The following ABLIM3 variants were observed in gnomAD, a reference collection of about 807,000 sequenced individuals.
ABLIM3 encodes the protein actin binding LIM protein family member 3.
Under a neutral mutation model 109.5 loss-of-function variants are expected in ABLIM3, and 61 were observed. The observed-to-expected ratio is 0.56, with a 90% CI of 0.45 to 0.69. The LOEUF is 0.69. ABLIM3 is among the 30% of genes least tolerant of loss of function. ABLIM3 has a pLI of 0.00. For synonymous variants in ABLIM3, 300 were observed against 324.8 expected (o/e 0.92, Z 0.82); for missense variants, 796 against 889.5 (o/e 0.89, Z 1.34).
intron 8 of ABLIM3, among the ~76,000 whole-genome samples, chr5:149,226,477 C>T (rs139116247): frequency 1.8e-4 from 27 of 152,020 alleles, no homozygotes; most frequent in African/African-American, 6.3e-4. Context: ...AGCGAGACTC[C>T]GTCTCAAAAC....
chr5:149,218,119 T>G (rs1490743993), intron 8 of ABLIM3: 1 of 152,278 alleles, frequency 6.6e-6, no homozygotes, highest in Non-Finnish European at 1.5e-5. Context: ...TTGTAGTTCA[T>G]CTGGGCTGTT....
Position 149,244,871 on chromosome 5 carries a change from T to A in ABLIM3, c.1352-10T>A. 6.2e-7 allele frequency: 1 copy of A among 1,614,112 alleles called. No individual in the cohort carries two copies. The highest frequency in any genetic ancestry group is 8.5e-7 in the Non-Finnish European group (1 of 1,180,006). On this transcript the variant is annotated splice_polypyrimidine_tract_variant and intron_variant, in intron 15 of 23. Coordinates refer to ENST00000309868, the MANE Select transcript of ABLIM3 (RefSeq NM_014945.5). ...GCCTTCCTGAAGTGCTCTCCTTGGG[T>A]CCTCTGCAGGTGATTTGTCTACAGC...
In ABLIM3 at chr5:149,207,647, T is replaced by G. The variant is rs142238366; in HGVS notation, c.575+513T>G. On this transcript the variant is annotated intron_variant, in intron 6 of 23. Transcript: ENST00000309868. ...ATTTATCCCCACTGAATACTCAGAC[T>G]TGAGAGAGTAAATAACTTGCTCCAG... 2.4e-3 allele frequency among the ~76,000 whole-genome samples: 371 copies of G among 152,342 alleles called. 2 individuals are homozygous for G. The highest frequency in any genetic ancestry group is 8.7e-3 in the African/African-American group (360 of 41,590).
In ABLIM3 at chr5:149,152,913, C is replaced by T. The variant is rs17795469; in HGVS notation, c.13+10805C>T. On this transcript the variant is annotated intron_variant, in intron 2 of 23. Transcript: ENST00000309868. ...AAAGTAGATCATGCCAACATAATTT[C>T]TTCTGTTTAGGGCAGATTCTTCCTT... Among the ~76,000 whole-genome samples the T allele has an allele frequency of 8.0e-3, 1,212 of 152,116 alleles. 87 individuals carry two copies. In the East Asian group the frequency reaches 0.15, roughly 19 times the overall value.
At chr5:149,246,369 A>T in intron 16 of ABLIM3, 113 bp from the exon 17 acceptor site, 1 of 1,037,354 alleles carries the variant, frequency 9.6e-7, no homozygotes, top group Non-Finnish European at 1.4e-6. Context: ...TTTCCATTGA[A>T]AAATAAGATT....
intron 8 of ABLIM3, among the ~76,000 whole-genome samples, chr5:149,222,790 G>A (rs1156584586): frequency 1.3e-5 from 2 of 151,472 alleles, no homozygotes; most frequent in African/African-American, 4.9e-5. Flanking sequence ...TCAAGTGAGG[G>A]CCTCCCATTG....
Position 149,161,138 on chromosome 5 carries a change from G to A in ABLIM3, c.13+19030G>A, listed in dbSNP as rs200688888. On this transcript the variant is annotated intron_variant, in intron 2 of 23. Coordinates refer to ENST00000309868, the MANE Select transcript of ABLIM3 (RefSeq NM_014945.5). ...TCCGGAGCCTGTCCTCTAGCCCAGG[G>A]CACCTGGGCATCACCCACAGCTCAT... Among the ~76,000 whole-genome samples the A allele has an allele frequency of 3.3e-5, 5 of 152,148 alleles. No individual in the cohort carries two copies. In the East Asian group the frequency reaches 9.6e-4, roughly 29 times the overall value.
At chr5:149,168,955 A>G (rs1189454558) in intron 2 of ABLIM3, among the ~76,000 whole-genome samples, 1 of 151,398 alleles carries the variant, frequency 6.6e-6, no homozygotes, top group East Asian at 1.9e-4. Context: ...AGGAATCTGT[A>G]TTTTAACAAT....
chr5:149,211,230 A>G (rs1759527226), intron 7 of ABLIM3, among the ~76,000 whole-genome samples: 1 of 152,046 alleles, frequency 6.6e-6, no homozygotes, highest in Non-Finnish European at 1.5e-5. Context: ...TTTAAGAGCC[A>G]GCTTGTCTAG....
At chr5:149,226,321 TAAAAATAC>T (rs1761279445) in intron 8 of ABLIM3, among the ~76,000 whole-genome samples, 2 of 151,882 alleles carry the variant, frequency 1.3e-5, no homozygotes, top group Non-Finnish European at 2.9e-5. Context: ...CCGTATCTAC[TAAAAATAC>T]AAAAAATTAG....
chr5:149,246,978 A>C (rs1178237017), intron 17 of ABLIM3, among the ~76,000 whole-genome samples: 2 of 152,256 alleles, frequency 1.3e-5, no homozygotes. Flanking sequence ...TAAAAACAGG[A>C]CTTAAACAAA....
rs528211316 is a variant in ABLIM3 at position 149,239,111 on chromosome 5, T to C, written c.1045-137T>C. On this transcript the variant is annotated intron_variant, in intron 11 of 23. Transcript: ENST00000309868. ...CCCTCTGGAATTCCCAGCGAGGCTGTTATCTGGAGAGGGGTACAAAGGAAC... is the reference window on the plus strand; with the variant it reads ...CCCTCTGGAATTCCCAGCGAGGCTGCTATCTGGAGAGGGGTACAAAGGAAC... 1.8e-4 allele frequency: 141 copies of C among 803,300 alleles called. 2 individuals carry two copies. The South Asian group carries it at 2.1e-3, about 12-fold the overall frequency. The allele number at this position is 803,300 out of a possible 1,614,324, so 49.8% of individuals were successfully genotyped here.
chr5:149,165,295 G>A (rs1336585008), intron 2 of ABLIM3, among the ~76,000 whole-genome samples: 1 of 152,100 alleles, frequency 6.6e-6, no homozygotes, highest in Non-Finnish European at 1.5e-5. Context: ...GATAAACTAT[G>A]GCTCAAGGGT....
chr5:149,193,996 AC>A (rs1757733122), intron 3 of ABLIM3, among the ~76,000 whole-genome samples: 1 of 152,314 alleles, frequency 6.6e-6, no homozygotes, highest in South Asian at 2.1e-4. Context: ...TATAGGAGAT[AC>A]CTTTTTAGGA....
chr5:149,219,572 T>C (rs1760437817), intron 8 of ABLIM3: 2 of 152,146 alleles, frequency 1.3e-5, no homozygotes, highest in Admixed American at 1.3e-4. Context: ...TGGCCTTGCG[T>C]CTCCCCTCCA....
chr5:149,186,856 A>C (rs1757009047), intron 3 of ABLIM3, among the ~76,000 whole-genome samples: 2 of 151,960 alleles, frequency 1.3e-5, no homozygotes, highest in Admixed American at 6.6e-5. Flanking sequence ...GCAAAAAAAA[A>C]ACAACAGTGC....
At position 149,186,339 on chromosome 5, in the gene ABLIM3, G is replaced by A. The variant is rs369107534; in HGVS notation, c.151+2750G>A. Among the ~76,000 whole-genome samples, 21 of 152,166 alleles carry A rather than the reference G, an allele frequency of 1.4e-4. 1 individual carries two copies. In the South Asian group the frequency reaches 3.5e-3, roughly 26 times the overall value. On this transcript the variant is annotated intron_variant, in intron 3 of 23. Transcript: ENST00000309868. The stretch of plus-strand genomic sequence containing the variant: ...TGAGACAGGAGAATCGCTTGAAGCC[G>A]GGAGGTGGAGGTTGCAGTGAGTCAA...
intron 9 of ABLIM3, among the ~76,000 whole-genome samples, chr5:149,233,021 A>C (rs1174639053): frequency 3.3e-5 from 5 of 151,766 alleles, no homozygotes; most frequent in Admixed American, 2.0e-4. Flanking sequence ...TCCATATTCC[A>C]CCCCTAACAG....
In ABLIM3 at chr5:149,141,994, C is replaced by G; in HGVS notation, c.-87-15C>G. 6.4e-7 allele frequency: 1 copy of G among 1,566,050 alleles called. No homozygotes were observed. Among genetic ancestry groups the G allele is most frequent in the Non-Finnish European group, 8.8e-7 (1 of 1,136,630 alleles). ...GGATACAGAGCTGGCACTGGACTGC[C>G]TTTTCACCCCCCAGGTGATGAGTGA... On this transcript the variant is annotated splice_polypyrimidine_tract_variant and intron_variant, in intron 1 of 23. Transcript: ENST00000309868.
Sources: gnomAD v4.1 joint callset for allele counts (sites outside exome capture counted in the v4.1 genomes callset) on GRCh38, gnomAD v4.1.1 for gene constraint, MANE v1.5 for transcripts, NCBI Gene and HGNC (gene_info 2026-07-23, HGNC 2026-07-21) for gene names.